The following ADAMTS17 variants were observed in gnomAD, a reference collection of about 807,000 sequenced individuals.
The protein encoded by ADAMTS17 is ADAM metallopeptidase with thrombospondin type 1 motif 17.
A neutral mutation model predicts 141.5 loss-of-function variants in ADAMTS17; 113 were observed. The observed-to-expected ratio is 0.80, with a 90% CI of 0.69 to 0.93. The LOEUF is 0.93. Among genes scored for constraint, ADAMTS17 ranks in the 40% least tolerant of loss-of-function variants. The probability of loss-of-function intolerance (pLI) is 0.00; values close to 1 mark genes in which losing one functional copy is unlikely to be tolerated. For missense variants in ADAMTS17, 1,659 were observed against 1,517.9 expected, an observed-to-expected ratio of 1.09 and a Z score of -1.54; for synonymous variants, 768 against 630.6, an observed-to-expected ratio of 1.22 and a Z score of -3.27.
At chr15:100,145,639 A>T (rs907184496) in intron 10 of ADAMTS17, among the ~76,000 whole-genome samples, 4 of 152,194 alleles carry the variant, frequency 2.6e-5, no homozygotes, top group Non-Finnish European at 5.9e-5. Flanking sequence ...CATGTCAAGA[A>T]CCCTAATGTA....
chr15:99,983,450 C>T (rs2060521702), intron 20 of ADAMTS17, among the ~76,000 whole-genome samples: 1 of 152,126 alleles, frequency 6.6e-6, no homozygotes, highest in African/African-American at 2.4e-5. Flanking sequence ...CTCCATCACC[C>T]CTACCCTGAT....
chr15:100,092,890 A>G (rs932684047), intron 15 of ADAMTS17, among the ~76,000 whole-genome samples: 1 of 152,200 alleles, frequency 6.6e-6, no homozygotes, highest in Non-Finnish European at 1.5e-5. Context: ...GAGACTGACC[A>G]GCCACCTTTT....
chr15:100,109,157 GTGCGTGGGCCA>G (rs754348945), intron 13 of ADAMTS17, 41 bp from the exon 14 acceptor site: 2 of 1,576,048 alleles, frequency 1.3e-6, no homozygotes, highest in East Asian at 4.7e-5. Context: ...ACGGGAAGGT[GTGCGTGGGCCA>G]TGCAGGGCAC....
At chr15:100,152,462 G>A (rs1033789925) in intron 10 of ADAMTS17, 150 bp downstream of exon 10, 23 of 1,005,328 alleles carry the variant, frequency 2.3e-5, no homozygotes, top group African/African-American at 4.7e-5. Context: ...GTATGCAAAC[G>A]TGTGTGTGCA....
At position 100,108,907 on chromosome 15, in the gene ADAMTS17, T is replaced by A. The variant is rs546283252; in HGVS notation, c.2016+82A>T. On this transcript the variant is annotated intron_variant, in intron 14 of 21. Transcript: ENST00000268070. ...CCACTCCCCTAGGCCTCCTGAGACC[T>A]CTGCTCTACCCCACTCCCTGTCTGG... 3 of 1,607,210 alleles carry A rather than the reference T, an allele frequency of 1.9e-6. No homozygotes were observed. In the African/African-American group the frequency reaches 4.0e-5, roughly 21 times the overall value.
intron 15 of ADAMTS17, among the ~76,000 whole-genome samples, chr15:100,066,042 A>G (rs560056490): frequency 6.6e-6 from 1 of 152,352 alleles, no homozygotes; most frequent in East Asian, 1.9e-4. Flanking sequence ...ATGTGACTGC[A>G]AAGGACATGA....
intron 7 of ADAMTS17, among the ~76,000 whole-genome samples, chr15:100,250,525 TG>T (rs1297413390): frequency 6.6e-6 from 1 of 152,118 alleles, no homozygotes; most frequent in Non-Finnish European, 1.5e-5. Flanking sequence ...TACAGATAAA[TG>T]GGTGCCAGTG....
chr15:100,327,908 C>A (rs917986208), intron 3 of ADAMTS17, among the ~76,000 whole-genome samples: 1 of 152,192 alleles, frequency 6.6e-6, no homozygotes, highest in African/African-American at 2.4e-5. Context: ...TTTGCCGTGT[C>A]AGTCCTTCTA....
At chr15:100,078,617 T>G (rs1056689619) in intron 15 of ADAMTS17, among the ~76,000 whole-genome samples, 9 of 152,168 alleles carry the variant, frequency 5.9e-5, no homozygotes, top group African/African-American at 1.7e-4. Context: ...AGAAACCTCT[T>G]GGAAGAAAAC....
intron 3 of ADAMTS17, among the ~76,000 whole-genome samples, chr15:100,294,065 T>C (rs1460864560): frequency 2.0e-5 from 3 of 152,174 alleles, no homozygotes; most frequent in Non-Finnish European, 4.4e-5. Context: ...CGTTCTGCCC[T>C]CTTAAGGTAG....
intron 3 of ADAMTS17, among the ~76,000 whole-genome samples, chr15:100,309,011 T>C (rs2045318243): frequency 6.6e-6 from 1 of 152,222 alleles, no homozygotes; most frequent in Non-Finnish European, 1.5e-5. Context: ...CAAAGAAAGC[T>C]ACGTTCTCAA....
At chr15:100,084,324 T>A (rs2034950755) in intron 15 of ADAMTS17, among the ~76,000 whole-genome samples, 1 of 152,028 alleles carries the variant, frequency 6.6e-6, no homozygotes, top group Non-Finnish European at 1.5e-5. Flanking sequence ...GAGGCTTGAG[T>A]AGGTAAACAA....
intron 6 of ADAMTS17, among the ~76,000 whole-genome samples, chr15:100,258,039 G>A (rs202068013): frequency 7.2e-5 from 11 of 152,296 alleles, no homozygotes; most frequent in Middle Eastern, 3.4e-3. Flanking sequence ...GTTGTAGCGC[G>A]TGTCACAATC....
chr15:100,243,048 T>C (rs1237775272), intron 7 of ADAMTS17, among the ~76,000 whole-genome samples: 2 of 152,246 alleles, frequency 1.3e-5, no homozygotes, highest in East Asian at 3.8e-4. Flanking sequence ...CTGACCACTT[T>C]AGGTGCCTCA....
At chr15:100,333,729 C>G (rs1596545259) in intron 2 of ADAMTS17, among the ~76,000 whole-genome samples, 1 of 152,164 alleles carries the variant, frequency 6.6e-6, no homozygotes, top group South Asian at 2.1e-4. Flanking sequence ...ACCATCTATG[C>G]GGGGAAGGGA....
intron 3 of ADAMTS17, among the ~76,000 whole-genome samples, chr15:100,304,261 C>A (rs1047917521): frequency 6.6e-6 from 1 of 152,216 alleles, no homozygotes; most frequent in Non-Finnish European, 1.5e-5. Flanking sequence ...AAGCACTGGA[C>A]TCCTGGCTCC....
rs747730831 is a variant in ADAMTS17, at chr15:100,051,734, G to A, written c.2296-3C>T. On this transcript the variant is annotated splice_region_variant and splice_polypyrimidine_tract_variant and intron_variant, in intron 16 of 21. Transcript: ENST00000268070. ...TCTTGGTCGTGAAATAACAACACCT[G>A]GATCAGCCGCAAAACAAAAGGCCAT... 4.3e-6 allele frequency: 7 copies of A among 1,614,028 alleles called. No homozygotes were observed. The East Asian group carries it at 6.7e-5, about 15-fold the overall frequency.
intron 15 of ADAMTS17, among the ~76,000 whole-genome samples, chr15:100,062,652 A>G (rs928899510): frequency 6.6e-6 from 1 of 152,220 alleles, no homozygotes; most frequent in Non-Finnish European, 1.5e-5. Flanking sequence ...AAATGGAAAT[A>G]AAAGGGTTTC....
chr15:100,316,306 T>C (rs1007493831), intron 3 of ADAMTS17, among the ~76,000 whole-genome samples: 3 of 152,180 alleles, frequency 2.0e-5, no homozygotes, highest in African/African-American at 7.2e-5. Context: ...TTTGATTTTT[T>C]ACAGGTTTTC....
Sources: gnomAD v4.1 joint callset for allele counts (sites outside exome capture counted in the v4.1 genomes callset) on GRCh38, gnomAD v4.1.1 for gene constraint, MANE v1.5 for transcripts, NCBI Gene and HGNC (gene_info 2026-07-23, HGNC 2026-07-21) for gene names.